The following MMP26 variants were observed in gnomAD, a reference collection of about 807,000 sequenced individuals.
The protein encoded by MMP26 is matrix metallopeptidase 26, also known as matrix metalloproteinase-26.
Under a neutral mutation model 31.0 loss-of-function variants are expected in MMP26, and 33 were observed. The ratio of observed to expected loss-of-function variants is 1.06; its 90% CI spans 0.81 to 1.42. MMP26 has a LOEUF of 1.42. Ranked by LOEUF, MMP26 falls within the 40% of genes most tolerant of loss-of-function variation. The probability of loss-of-function intolerance (pLI) is 0.00; values close to 1 mark genes in which losing one functional copy is unlikely to be tolerated. For missense variants in MMP26, 347 were observed against 316.1 expected, an observed-to-expected ratio of 1.10 and a Z score of -0.74; for synonymous variants, 122 against 114.9, an observed-to-expected ratio of 1.06 and a Z score of -0.40.
intron 1 of MMP26, among the ~76,000 whole-genome samples, chr11:4,719,850 C>T (rs551550141): frequency 1.4e-4 from 22 of 152,108 alleles, no homozygotes; most frequent in South Asian, 1.2e-3. Flanking sequence ...TTTGCAAATG[C>T]GGTATTATTT....
chr11:4,745,247 C>G lies in MMP26; in HGVS notation c.-216-22023C>G, dbSNP rs10836568. Among the ~76,000 whole-genome samples the G allele has an allele frequency of 6.4e-3, 969 of 152,108 alleles. 8 individuals carry two copies. The highest frequency in any genetic ancestry group is 0.027 in the Middle Eastern group (8 of 294). On this transcript the variant is annotated intron_variant, in intron 1 of 7. Coordinates refer to ENST00000380390, the MANE Select transcript of MMP26 (RefSeq NM_021801.5). ...TCTTCCCCACAGACAAAGATCAAAA[C>G]GAATATGTTTTAGATTTGGAATAAT...
chr11:4,716,732 G>T (rs1458006557), intron 1 of MMP26, among the ~76,000 whole-genome samples: 1 of 122,524 alleles, frequency 8.2e-6, no homozygotes, highest in Non-Finnish European at 1.6e-5. Flanking sequence ...TGCGATCTCA[G>T]CTCATTGCAA....
intron 1 of MMP26, among the ~76,000 whole-genome samples, chr11:4,761,172 G>A (rs1325666847): frequency 1.3e-5 from 2 of 152,178 alleles, no homozygotes; most frequent in African/African-American, 4.8e-5. Flanking sequence ...AAGGAGCAAT[G>A]CCAGAAGACT....
rs1423905011 is a variant in MMP26, at chr11:4,927,914, C to T, written c.-144-60154C>T. 2.0e-5 allele frequency among the ~76,000 whole-genome samples: 3 copies of T among 151,996 alleles called. No individual in the cohort carries two copies. The East Asian group carries it at 5.8e-4, about 29-fold the overall frequency. ...AGAGGGGAATCTATCATCTATCATG[C>T]CTGATCTGTGGGCAAGGGATACTAA... On this transcript the variant is annotated intron_variant, in intron 2 of 7. Coordinates refer to ENST00000380390, the MANE Select transcript of MMP26 (RefSeq NM_021801.5).
intron 1 of MMP26, chr11:4,710,126 G>T (rs576632668): frequency 4.4e-6 from 2 of 456,614 alleles, no homozygotes; most frequent in East Asian, 6.9e-5. Context: ...ACCCTGATGC[G>T]ATGAAGCTCT....
intron 2 of MMP26, chr11:4,769,440 G>T: frequency 6.2e-7 from 1 of 1,612,588 alleles, no homozygotes; most frequent in East Asian, 2.2e-5. Flanking sequence ...AAAAGTAGTG[G>T]CAATATTAGT....
intron 1 of MMP26, among the ~76,000 whole-genome samples, chr11:4,746,477 C>G (rs1848380535): frequency 6.6e-6 from 1 of 152,158 alleles, no homozygotes; most frequent in African/African-American, 2.4e-5. Flanking sequence ...TTTGTATTCT[C>G]AATATCCATC....
chr11:4,706,517 A>G (rs183822297), intron 1 of MMP26, among the ~76,000 whole-genome samples: 26 of 149,196 alleles, frequency 1.7e-4, no homozygotes, highest in African/African-American at 6.4e-4. Context: ...GTTTGAGGCT[A>G]CAGTGAGCAG....
At chr11:4,752,665 G>A (rs1848460287) in intron 1 of MMP26, 1 of 152,310 alleles carries the variant, frequency 6.6e-6, no homozygotes, top group African/African-American at 2.4e-5. Flanking sequence ...GTGAAGAGGT[G>A]AATGAAGAAC....
intron 2 of MMP26, among the ~76,000 whole-genome samples, chr11:4,964,604 A>T (rs1846564983): frequency 6.6e-6 from 1 of 152,188 alleles, no homozygotes; most frequent in African/African-American, 2.4e-5. Context: ...TTCTATTATA[A>T]ATATACGTGC....
rs1185217338 is a variant in MMP26 at position 4,992,062 on chromosome 11, T to A, written c.694T>A (p.Tyr232Asn). 2.5e-6 allele frequency: 4 copies of A among 1,613,966 alleles called. No homozygotes were observed. The highest frequency in any genetic ancestry group is 2.7e-5 in the African/African-American group (2 of 74,906). Reference protein sequence around the residue: ...QSSIMYPTYWYHDPRTFQLSA... With the variant: ...QSSIMYPTYWNHDPRTFQLSA... The stretch of plus-strand genomic sequence containing the variant: ...CTCCATAATGTACCCCACTTACTGG[T>A]ATCACGACCCTAGAACCTTCCAGCT... The change falls in exon 7 of 8, where the codon TAT becomes AAT. Residue 232 changes from tyrosine to asparagine, a missense_variant. Tyr to Asn is a moderately radical substitution (Grantham distance 143, BLOSUM62 -2). Coordinates refer to ENST00000380390, the MANE Select transcript of MMP26 (RefSeq NM_021801.5).
intron 2 of MMP26, chr11:4,924,253 G>T (rs776636581): frequency 1.2e-6 from 2 of 1,614,164 alleles, no homozygotes; most frequent in Non-Finnish European, 1.7e-6. Flanking sequence ...AGGGAATAGA[G>T]ATCCAGCCAT....
At chr11:4,705,311 A>G (rs1235989469) in intron 1 of MMP26, among the ~76,000 whole-genome samples, 1 of 152,216 alleles carries the variant, frequency 6.6e-6, no homozygotes, top group Non-Finnish European at 1.5e-5. Context: ...TTGCGAGAGC[A>G]TGGCGTTTGG....
At chr11:4,949,677 A>G (rs1846352202) in intron 2 of MMP26, among the ~76,000 whole-genome samples, 1 of 121,866 alleles carries the variant, frequency 8.2e-6, no homozygotes, top group Non-Finnish European at 1.9e-5. Flanking sequence ...CAAAATCTCC[A>G]AAAAAATGAA....
chr11:4,898,867 G>T (rs1850754840), intron 2 of MMP26, among the ~76,000 whole-genome samples: 1 of 136,236 alleles, frequency 7.3e-6, no homozygotes, highest in Non-Finnish European at 1.6e-5. Context: ...GTGTGTGTGT[G>T]TGTGTGTGTT....
intron 1 of MMP26, chr11:4,723,155 A>G (rs1848039908): frequency 6.3e-7 from 1 of 1,599,456 alleles, no homozygotes; most frequent in Admixed American, 1.7e-5. Flanking sequence ...CTTAATGGCC[A>G]GCTCCCCACG....
At chr11:4,854,241 G>A (rs1850016546) in intron 2 of MMP26, among the ~76,000 whole-genome samples, 1 of 152,186 alleles carries the variant, frequency 6.6e-6, no homozygotes, top group African/African-American at 2.4e-5. Flanking sequence ...AGGCCACAGA[G>A]TGTGAGCTGA....
intron 2 of MMP26, among the ~76,000 whole-genome samples, chr11:4,782,398 A>G (rs1848876940): frequency 6.6e-6 from 1 of 152,204 alleles, no homozygotes; most frequent in African/African-American, 2.4e-5. Context: ...GAAACTTTGA[A>G]CTTAACAGAG....
chr11:4,728,464 A>T (rs1299039033), intron 1 of MMP26, among the ~76,000 whole-genome samples: 1 of 152,142 alleles, frequency 6.6e-6, no homozygotes, highest in Admixed American at 6.5e-5. Flanking sequence ...CCTTGCCTAG[A>T]CAACTCTGAA....
Sources: allele counts gnomAD v4.1 joint callset (sites outside exome capture counted in the v4.1 genomes callset), GRCh38; gene constraint gnomAD v4.1.1; transcripts MANE v1.5; gene names NCBI Gene and HGNC (gene_info 2026-07-23, HGNC 2026-07-21).